Variants in DISC1 observed in about 807,000 individuals in gnomAD.
The protein encoded by DISC1 is DISC1 scaffold protein.
Under a neutral mutation model 84.5 loss-of-function variants are expected in DISC1, and 57 were observed. The observed-to-expected ratio is 0.67, with a 90% CI of 0.55 to 0.84. The LOEUF is 0.84. DISC1 is among the 40% of genes least tolerant of loss of function. The pLI is 0.00. For synonymous variants in DISC1, 411 were observed against 415.2 expected (o/e 0.99, Z 0.12); for missense variants, 1,000 against 1,057.8 (o/e 0.95, Z 0.76).
chr1:231,885,515 C>G (rs1006696971), intron 9 of DISC1, among the ~76,000 whole-genome samples: 32 of 152,142 alleles, frequency 2.1e-4, no homozygotes, highest in Non-Finnish European at 3.1e-4. Flanking sequence ...GTAGCCTGTT[C>G]GAAGCAACCC....
rs1670766381 is a variant in DISC1, at chr1:232,041,072, A to G, written c.*4241A>G. On this transcript the variant is annotated 3_prime_UTR_variant, in exon 13 of 13. Transcript: ENST00000439617. ...ATCTTTGAATTTTGTCATGTAATTT[A>G]TTGCTTCATTAAGGTTACTTTTTGT... 1 of 152,120 alleles carries G rather than the reference A, an allele frequency of 6.6e-6. No homozygotes were observed. Among genetic ancestry groups the G allele is most frequent in the African/African-American group, 2.4e-5 (1 of 41,420 alleles). 9.4% of individuals were successfully genotyped at this position (152,120 alleles called of 1,614,324 possible).
chr1:231,869,500 T>C (rs1342979157), intron 9 of DISC1, among the ~76,000 whole-genome samples: 1 of 151,980 alleles, frequency 6.6e-6, no homozygotes. Flanking sequence ...GTTCATTTGG[T>C]TCATGGTTCT....
chr1:231,855,274 T>G lies in DISC1; in HGVS notation c.1981+36757T>G, dbSNP rs1024545955. 3.1e-6 allele frequency: 3 copies of G among 956,924 alleles called. No individual in the cohort carries two copies. The African/African-American group carries it at 5.4e-5, about 17-fold the overall frequency. 59.3% of individuals were successfully genotyped at this position (956,924 alleles called of 1,614,324 possible). A position where few individuals can be genotyped will look rare whatever the true frequency, so the allele number is the denominator to read the frequency against. ...TCACAAGAGTGTCTCATAAATAACT[T>G]TCTATATAACATATGTATATTTCAA... On this transcript the variant is annotated intron_variant, in intron 9 of 12. Coordinates refer to ENST00000439617, the MANE Select transcript of DISC1 (RefSeq NM_018662.3).
At chr1:231,950,556 T>TGTTA (rs1658184567) in intron 9 of DISC1, among the ~76,000 whole-genome samples, 1 of 152,126 alleles carries the variant, frequency 6.6e-6, no homozygotes, top group Non-Finnish European at 1.5e-5. Flanking sequence ...GAACTGATAG[T>TGTTA]GTTAGCTTTT....
rs537049188 is a variant in DISC1, at chr1:231,760,619, T to G, written c.1269-6521T>G. ...GATTCCAGCAGTGGCACAAAGCAATTTTTCTGGTACTCTAACAACATTAGG... is the reference window on the plus strand; with the variant it reads ...GATTCCAGCAGTGGCACAAAGCAATGTTTCTGGTACTCTAACAACATTAGG... On this transcript the variant is annotated intron_variant, in intron 4 of 12. Transcript: ENST00000439617. 4.6e-5 allele frequency among the ~76,000 whole-genome samples: 7 copies of G among 152,270 alleles called. No individual in the cohort carries two copies. The South Asian group carries it at 1.5e-3, about 32-fold the overall frequency.
chr1:231,892,199 GGGTGTCAGGAAGAAGAA>G (rs1158500359), intron 9 of DISC1, among the ~76,000 whole-genome samples: 7 of 152,254 alleles, frequency 4.6e-5, no homozygotes, highest in Admixed American at 4.6e-4. Context: ...TGGAGGACGT[GGGTGTCAGGAAGAAGAA>G]GCAGTATATG....
intron 9 of DISC1, chr1:231,943,788 A>G (rs988427199): frequency 6.6e-6 from 1 of 151,538 alleles, no homozygotes; most frequent in Non-Finnish European, 1.5e-5. Flanking sequence ...CAGTGATGCA[A>G]TCTTGGCTCA....
At chr1:231,767,380 G>A in intron 5 of DISC1, 111 bp downstream of exon 5, 8 of 1,444,482 alleles carry the variant, frequency 5.5e-6, no homozygotes, top group Non-Finnish European at 7.5e-6. Context: ...ATAGCTCATT[G>A]CAGCCTTGAG....
chr1:231,641,565 T>C (rs553644035), intron 1 of DISC1, among the ~76,000 whole-genome samples: 35 of 152,322 alleles, frequency 2.3e-4, no homozygotes, highest in African/African-American at 4.3e-4. Context: ...GCTTCCACAA[T>C]GTGCAAAGGG....
chr1:231,787,318 G>A (rs910867337), intron 6 of DISC1, among the ~76,000 whole-genome samples: 8 of 152,124 alleles, frequency 5.3e-5, no homozygotes, highest in African/African-American at 1.7e-4. Context: ...AGGTTGAGGG[G>A]CTTGCATCTG....
At chr1:231,845,063 GA>G (rs1473994369) in intron 9 of DISC1, among the ~76,000 whole-genome samples, 1 of 152,140 alleles carries the variant, frequency 6.6e-6, no homozygotes, top group Non-Finnish European at 1.5e-5. Flanking sequence ...GCTTCAGAGA[GA>G]CTAGATTGTA....
chr1:231,701,664 G>A (rs1482706164), intron 2 of DISC1, among the ~76,000 whole-genome samples: 3 of 152,134 alleles, frequency 2.0e-5, no homozygotes, highest in Non-Finnish European at 4.4e-5. Context: ...TTCTCATTAT[G>A]CATTTCTTCA....
chr1:231,711,647 C>T (rs951853435), intron 3 of DISC1, among the ~76,000 whole-genome samples: 5 of 151,912 alleles, frequency 3.3e-5, no homozygotes, highest in African/African-American at 4.8e-5. Context: ...AGATTACAGG[C>T]GTGAGCCACC....
At chr1:231,789,705 C>T (rs1328637409) in intron 6 of DISC1, among the ~76,000 whole-genome samples, 1 of 152,110 alleles carries the variant, frequency 6.6e-6, no homozygotes, top group Non-Finnish European at 1.5e-5. Context: ...GGCCCTTGAC[C>T]AAGTCTTGGC....
intron 3 of DISC1, among the ~76,000 whole-genome samples, chr1:231,714,662 GGAGA>G (rs1558403937): frequency 6.7e-6 from 1 of 150,290 alleles, no homozygotes; most frequent in African/African-American, 2.5e-5. Context: ...AAAGAGACAA[GGAGA>G]GACAGGCAGA....
intron 1 of DISC1, among the ~76,000 whole-genome samples, chr1:231,631,702 T>A (rs2058723970): frequency 6.6e-6 from 1 of 151,922 alleles, no homozygotes; most frequent in Non-Finnish European, 1.5e-5. Flanking sequence ...CACAATGTAT[T>A]TGTGTTTTAA....
intron 10 of DISC1, among the ~76,000 whole-genome samples, chr1:231,991,568 G>A (rs1422649577): frequency 6.6e-6 from 1 of 152,176 alleles, no homozygotes; most frequent in Admixed American, 6.5e-5. Flanking sequence ...TGATCAAAAC[G>A]GGGGGCCCCA....
intron 1 of DISC1, among the ~76,000 whole-genome samples, chr1:231,661,125 T>C (rs1341263576): frequency 6.6e-6 from 1 of 152,188 alleles, no homozygotes; most frequent in African/African-American, 2.4e-5. Flanking sequence ...GTTAGTCTGA[T>C]TGGCTTCCCG....
intron 7 of DISC1, among the ~76,000 whole-genome samples, chr1:231,799,889 T>TTCCCTCCCTCCCTCCC (rs1267053923): frequency 0.011 from 2 of 186 alleles, 1 homozygote. Context: ...CCTTCCCTCC[T>TTCCCTCCCTCCCTCCC]TCCCTTCCTC....
Sources: allele counts gnomAD v4.1 joint callset (sites outside exome capture counted in the v4.1 genomes callset), GRCh38; gene constraint gnomAD v4.1.1; transcripts MANE v1.5; gene names NCBI Gene and HGNC (gene_info 2026-07-23, HGNC 2026-07-21).